Variants in KCNH8 observed in about 807,000 individuals in gnomAD.
KCNH8 encodes the protein voltage-gated delayed rectifier potassium channel KCNH8.
In KCNH8, 70 loss-of-function variants were observed where a neutral mutation model predicts 103.6. That is an observed-to-expected ratio of 0.68 (90% confidence interval 0.56 to 0.82). The LOEUF is 0.82. Among genes scored for constraint, KCNH8 ranks in the 40% least tolerant of loss-of-function variants. The pLI is 0.00. For missense variants in KCNH8, 1,217 were observed against 1,329.9 expected, an observed-to-expected ratio of 0.92 and a Z score of 1.32; for synonymous variants, 498 against 489.4, an observed-to-expected ratio of 1.02 and a Z score of -0.23.
chr3:19,238,549 C>T (rs1311580811), intron 1 of KCNH8, among the ~76,000 whole-genome samples: 3 of 152,036 alleles, frequency 2.0e-5, no homozygotes, highest in Admixed American at 2.0e-4. Flanking sequence ...ATTTAATAAC[C>T]GCATGCTGAG....
At chr3:19,320,127 T>C (rs2065330533) in intron 3 of KCNH8, among the ~76,000 whole-genome samples, 1 of 152,066 alleles carries the variant, frequency 6.6e-6, no homozygotes, top group South Asian at 2.1e-4. Context: ...GACTTGCTCT[T>C]TACTGATTTG....
chr3:19,477,363 C>T (rs1232212228), intron 11 of KCNH8, among the ~76,000 whole-genome samples: 4 of 151,474 alleles, frequency 2.6e-5, no homozygotes, highest in African/African-American at 4.8e-5. Context: ...ACAAGAATTA[C>T]TCTTGATGCC....
At chr3:19,217,861 T>A (rs1452748182) in intron 1 of KCNH8, among the ~76,000 whole-genome samples, 1 of 152,224 alleles carries the variant, frequency 6.6e-6, no homozygotes, top group Non-Finnish European at 1.5e-5. Flanking sequence ...TTACCTTATT[T>A]AGTTTGTTTG....
chr3:19,506,252 T>C (rs2068690621), intron 11 of KCNH8, among the ~76,000 whole-genome samples: 1 of 152,160 alleles, frequency 6.6e-6, no homozygotes, highest in South Asian at 2.1e-4. Context: ...GCTCCCAGAG[T>C]TCTTACGCTG....
chr3:19,486,102 C>G (rs1227554742), intron 11 of KCNH8, among the ~76,000 whole-genome samples: 1 of 152,234 alleles, frequency 6.6e-6, no homozygotes, highest in Non-Finnish European at 1.5e-5. Flanking sequence ...ATATCCTGCA[C>G]ATCTTTCATC....
intron 7 of KCNH8, among the ~76,000 whole-genome samples, chr3:19,422,075 AT>A (rs1294985664): frequency 6.6e-6 from 1 of 152,092 alleles, no homozygotes; most frequent in Non-Finnish European, 1.5e-5. Context: ...TGGAGGTCAA[AT>A]GGCATTGCAA....
chr3:19,468,501 G>A (rs1284756897), intron 11 of KCNH8, among the ~76,000 whole-genome samples: 2 of 152,176 alleles, frequency 1.3e-5, no homozygotes, highest in Non-Finnish European at 2.9e-5. Context: ...CGGCTAAATT[G>A]AATAACAACA....
intron 11 of KCNH8, among the ~76,000 whole-genome samples, chr3:19,463,262 T>C (rs931894525): frequency 6.6e-6 from 1 of 152,144 alleles, no homozygotes; most frequent in African/African-American, 2.4e-5. Flanking sequence ...TGATAATTCA[T>C]TGCAAAAGTT....
At chr3:19,519,541 A>G (rs1417116526) in intron 15 of KCNH8, among the ~76,000 whole-genome samples, 1 of 150,786 alleles carries the variant, frequency 6.6e-6, no homozygotes, top group Non-Finnish European at 1.5e-5. Context: ...GAGCCGAAGG[A>G]CCGACTAACA....
intron 8 of KCNH8, 106 bp downstream of exon 8, chr3:19,438,467 C>A: frequency 2.2e-6 from 2 of 908,166 alleles, no homozygotes; most frequent in Non-Finnish European, 3.3e-6. Context: ...CTGATTAACA[C>A]TGGAAGATTC....
chr3:19,234,399 T>C (rs939028452), intron 1 of KCNH8, among the ~76,000 whole-genome samples: 1 of 152,176 alleles, frequency 6.6e-6, no homozygotes, highest in Non-Finnish European at 1.5e-5. Flanking sequence ...GGCTCAGGCA[T>C]GGCAGGCTGC....
At chr3:19,173,097 GA>G (rs2063363550) in intron 1 of KCNH8, among the ~76,000 whole-genome samples, 1 of 151,994 alleles carries the variant, frequency 6.6e-6, no homozygotes, top group Non-Finnish European at 1.5e-5. Context: ...ATAAGTTTTT[GA>G]AAACTGCAGA....
At chr3:19,149,466 T>C (rs549776313) in intron 1 of KCNH8, among the ~76,000 whole-genome samples, 1 of 151,348 alleles carries the variant, frequency 6.6e-6, no homozygotes, top group Admixed American at 6.6e-5. Context: ...TTTTTTTGAG[T>C]ACGAATATTA....
At chr3:19,298,947 A>G (rs1417895358) in intron 3 of KCNH8, among the ~76,000 whole-genome samples, 1 of 150,936 alleles carries the variant, frequency 6.6e-6, no homozygotes, top group African/African-American at 2.4e-5. Context: ...AAAAAAAGAG[A>G]AACAATTAGA....
chr3:19,264,601 A>T (rs1395738075), intron 2 of KCNH8, among the ~76,000 whole-genome samples: 1 of 152,086 alleles, frequency 6.6e-6, no homozygotes, highest in African/African-American at 2.4e-5. Context: ...TTTTCGGCTT[A>T]GATTTAGTGT....
In KCNH8 at chr3:19,535,508, A is replaced by G. The variant is rs2069248188; in HGVS notation, c.*1409A>G. 6.6e-6 allele frequency: 1 copy of G among 152,170 alleles called. No homozygotes were observed. The highest frequency in any genetic ancestry group is 1.5e-5 in the Non-Finnish European group (1 of 68,028). The allele number at this position is 152,170 out of a possible 1,614,324, so 9.4% of individuals were successfully genotyped here. A position where few individuals can be genotyped will look rare whatever the true frequency, so the allele number is the denominator to read the frequency against. On this transcript the variant is annotated 3_prime_UTR_variant, in exon 16 of 16. Transcript: ENST00000328405. ...AGCACCTTCACTAAAGTCTTATTTT[A>G]TGTTTTAGAACAGTTACAGTCTAAT...
In KCNH8 at chr3:19,207,970, A is replaced by G. The variant is rs192469288; in HGVS notation, c.77-45684A>G. ...TATGGATTTCAAGATTTAAAAAAAA[A>G]TGTATTTCAGGGTGCTCAGTTTAGT... On this transcript the variant is annotated intron_variant, in intron 1 of 15. Coordinates refer to ENST00000328405, the MANE Select transcript of KCNH8 (RefSeq NM_144633.3). 8.6e-3 allele frequency among the ~76,000 whole-genome samples: 1,315 copies of G among 152,116 alleles called. 12 individuals are homozygous for G. Among genetic ancestry groups the G allele is most frequent in the African/African-American group, 0.03 (1,255 of 41,554 alleles).
rs369477661 is a variant in KCNH8 at position 19,396,450 on chromosome 3, A to G, written c.1177+1139A>G. On this transcript the variant is annotated intron_variant, in intron 7 of 15. Transcript: ENST00000328405. ...TCCAAGTTCTTAAAAATACCTCTTC[A>G]CATCCCAATTTTATTTCTGAGCTAC... 1.6e-3 allele frequency among the ~76,000 whole-genome samples: 241 copies of G among 152,144 alleles called. 6 individuals are homozygous for G. In the South Asian group the frequency reaches 0.048, roughly 30 times the overall value.
chr3:19,250,242 C>CT (rs1382495813), intron 1 of KCNH8, among the ~76,000 whole-genome samples: 9 of 151,134 alleles, frequency 6.0e-5, no homozygotes, highest in African/African-American at 2.2e-4. Flanking sequence ...TCCAGCCTTT[C>CT]TTTCAAAAAA....
Sources: allele counts gnomAD v4.1 joint callset (sites outside exome capture counted in the v4.1 genomes callset), GRCh38; gene constraint gnomAD v4.1.1; transcripts MANE v1.5; gene names NCBI Gene and HGNC (gene_info 2026-07-23, HGNC 2026-07-21).